DDX27: variants seen among roughly 807,000 people sequenced by gnomAD.
DDX27 encodes probable ATP-dependent RNA helicase DDX27.
A neutral mutation model predicts 99.3 loss-of-function variants in DDX27; 42 were observed. The ratio of observed to expected loss-of-function variants is 0.42; its 90% CI spans 0.33 to 0.55. DDX27 has a LOEUF of 0.55. Ranked by LOEUF, DDX27 falls within the 20% of genes least tolerant of loss-of-function variation. The pLI is 0.07. For synonymous variants in DDX27, 329 were observed against 353.8 expected, an observed-to-expected ratio of 0.93 and a Z score of 0.79; for missense variants, 798 against 976.8, an observed-to-expected ratio of 0.82 and a Z score of 2.44.
intron 2 of DDX27, among the ~76,000 whole-genome samples, chr20:49,221,843 G>A (rs905907411): frequency 1.3e-5 from 2 of 148,778 alleles, no homozygotes; most frequent in Admixed American, 6.7e-5. Context: ...CTGCTTGCTG[G>A]GGAGACTCCT....
Position 49,234,967 on chromosome 20 carries a change from A to G in DDX27, c.1306A>G (p.Met436Val). 1 of 1,612,448 alleles carries G rather than the reference A, an allele frequency of 6.2e-7. No homozygotes were observed. Among genetic ancestry groups the G allele is most frequent in the Non-Finnish European group, 8.5e-7 (1 of 1,179,172 alleles). The change falls in exon 12 of 21, where the codon ATG (methionine) becomes GTG (valine). Residue 436 changes from methionine to valine, a missense_variant. By Grantham distance (21) the Met-to-Val change is conservative. Around this residue, in one of 2 missense-constraint regions of DDX27, gnomAD observed 553 missense variants for 727.9 expected, o/e 0.76. Transcript: ENST00000618172. ...LLTRTFTDHVMLFTQTKKQAH... is the reference protein window; with the variant it reads ...LLTRTFTDHVVLFTQTKKQAH... ...GACGAGGACCTTCACTGACCATGTGATGCTGTTCACGCAAACCAAGAAGCA... is the reference window on the plus strand; with the variant it reads ...GACGAGGACCTTCACTGACCATGTGGTGCTGTTCACGCAAACCAAGAAGCA...
rs1979762469 is a variant in DDX27, at chr20:49,223,370, T to G, written c.403T>G (p.Ser135Ala). Reference sequence around the variant, plus strand: ...CCTTCAAGAGAATGATGAGGAAGGCTCAGAAGATGAAGCCTCGGAGACTGA... The same window carrying G: ...CCTTCAAGAGAATGATGAGGAAGGCGCAGAAGATGAAGCCTCGGAGACTGA... ...EDLQENDEEGSEDEASETDYS... is the reference protein window; with the variant it reads ...EDLQENDEEGAEDEASETDYS... The change falls in exon 4 of 21, where the codon TCA (serine) becomes GCA (alanine). Residue 135 changes from serine to alanine, a missense_variant. Around this residue, in one of 2 missense-constraint regions of DDX27, gnomAD observed 245 missense variants for 248.8 expected, o/e 0.98. Transcript: ENST00000618172. 1 of 1,613,840 alleles carries G rather than the reference T, an allele frequency of 6.2e-7. No homozygotes were observed. Among genetic ancestry groups the G allele is most frequent in the South Asian group, 1.1e-5 (1 of 91,070 alleles).
intron 14 of DDX27, chr20:49,238,127 T>G (rs962266076): frequency 1.3e-5 from 2 of 152,254 alleles, no homozygotes; most frequent in Non-Finnish European, 2.9e-5. Context: ...CAAGTGATCC[T>G]CCTGCCTCAG....
rs1309603367 is a variant in DDX27 at position 49,239,278 on chromosome 20, G to A, written c.1837G>A (p.Val613Met). 1.9e-6 allele frequency: 3 copies of A among 1,614,134 alleles called. No individual in the cohort carries two copies. Among genetic ancestry groups the A allele is most frequent in the South Asian group, 2.2e-5 (2 of 91,074 alleles). Reference protein sequence around the residue: ...KRLLEKGKEAVVQEPERSWFQ... With the variant: ...KRLLEKGKEAMVQEPERSWFQ... ...GCTCCTGGAGAAGGGGAAGGAGGCA[G>A]TGGTCCAAGAGCCCGAGAGGAGCTG... Residue 613 changes from valine (V) to methionine (M), a missense_variant, in exon 16 of 21, where the codon GTG (valine) becomes ATG (methionine). Physicochemically the swap from Val to Met is conservative, Grantham distance 21. Around this residue, in one of 2 missense-constraint regions of DDX27, gnomAD observed 553 missense variants for 727.9 expected, o/e 0.76. Transcript: ENST00000618172.
At chr20:49,234,711 C>T in intron 11 of DDX27, 2 of 456,996 alleles carry the variant, frequency 4.4e-6, no homozygotes, top group Non-Finnish European at 3.8e-6. Flanking sequence ...AGAGGCCAGC[C>T]CTTAGCTGCT....
At chr20:49,240,530 C>A (rs6067027) in intron 16 of DDX27, among the ~76,000 whole-genome samples, 67,493 of 151,912 alleles carry the variant, frequency 0.44, 16,424 homozygotes, top group Middle Eastern at 0.6. Context: ...TGGGTTCACC[C>A]CATTCTCCTG....
At chr20:49,224,741 A>G (rs1280402027) in intron 4 of DDX27, 3 of 600,550 alleles carry the variant, frequency 5.0e-6, no homozygotes, top group African/African-American at 1.9e-5. Context: ...TCTCTGGACC[A>G]GAGTCACTGG....
Position 49,221,546 on chromosome 20 carries a change from C to T in DDX27, c.188C>T (p.Thr63Met), listed in dbSNP as rs780544787. 3.6e-5 allele frequency: 58 copies of T among 1,613,050 alleles called. 2 individuals carry two copies. In the East Asian group the frequency reaches 5.6e-4, roughly 15 times the overall value. Residue 63 changes from threonine to methionine, a missense_variant, in exon 2 of 21, where the codon ACG becomes ATG. By Grantham distance (81) the Thr-to-Met change is moderately conservative. Transcript: ENST00000618172. Reference protein sequence around the residue: ...PDFVFTEKEGTYDGSWALADV... With the variant: ...PDFVFTEKEGMYDGSWALADV... ...TTCGTTTTCACTGAGAAGGAGGGGA[C>T]GTACGATGGCAGCTGGGCCCTGGCT...
chr20:49,242,257 C>A, intron 18 of DDX27, 51 bp downstream of exon 18: 1 of 1,602,280 alleles, frequency 6.2e-7, no homozygotes. Flanking sequence ...TCCCTGAAAC[C>A]TGTGCTTTGG....
In DDX27 at chr20:49,225,800, TCTC is replaced by T. The variant is rs530299736; in HGVS notation, c.600+602_600+604del. ...AGTTCCATCGTGTCCCTCCTCTTCTTCTCTGAGTCCTTCAGTACTTCCCAGTCT... is the reference window on the plus strand; with the variant it reads ...AGTTCCATCGTGTCCCTCCTCTTCTTTGAGTCCTTCAGTACTTCCCAGTCT... On this transcript the variant is annotated intron_variant, in intron 6 of 20. Coordinates refer to ENST00000618172, the MANE Select transcript of DDX27 (RefSeq NM_017895.8). 2.3e-4 allele frequency among the ~76,000 whole-genome samples: 35 copies of T among 152,188 alleles called. No homozygotes were observed. The East Asian group carries it at 6.6e-3, about 29-fold the overall frequency.
rs1268949523 is a variant in DDX27 at position 49,228,869 on chromosome 20, C to T, written c.861C>T (p.Ile287=). The change falls in exon 8 of 21, where the codon ATC becomes ATT. Residue 287 remains isoleucine (I), a synonymous_variant. Coordinates refer to ENST00000618172, the MANE Select transcript of DDX27 (RefSeq NM_017895.8). ...VTRQLAQFCN[I]TTCLAVGGLD... is the part of the protein sequence containing the mutation. ...GACAGCTGGCCCAGTTCTGCAACAT[C>T]ACCACCTGCCTGGCTGTGGGTGAGT... 1.3e-6 allele frequency: 2 copies of T among 1,597,950 alleles called. No homozygotes were observed. The highest frequency in any genetic ancestry group is 4.5e-5 in the East Asian group (2 of 44,178).
At chr20:49,237,484 T>A (rs899204249) in intron 14 of DDX27, among the ~76,000 whole-genome samples, 4 of 152,234 alleles carry the variant, frequency 2.6e-5, no homozygotes, top group African/African-American at 9.6e-5. Context: ...TTTTTTTCAT[T>A]TTCATTGTCT....
At position 49,226,536 on chromosome 20, in the gene DDX27, G is replaced by A; in HGVS notation, c.706+1G>A. The A allele has an allele frequency of 6.2e-7, 1 of 1,613,260 alleles. No homozygotes were observed. The highest frequency in any genetic ancestry group is 8.5e-7 in the Non-Finnish European group (1 of 1,179,356). The stretch of plus-strand genomic sequence containing the variant: ...TGTGCCTGTGCAGCCACTGGGACAG[G>A]TGAAAAGGATAGGGACCCAGGGTGG... On this transcript the variant is annotated splice_donor_variant, in intron 7 of 20. Coordinates refer to ENST00000618172, the MANE Select transcript of DDX27 (RefSeq NM_017895.8). LOFTEE classifies it high-confidence loss of function.
At chr20:49,221,694 T>G in intron 2 of DDX27, 96 bp downstream of exon 2, 1 of 1,107,690 alleles carries the variant, frequency 9.0e-7, no homozygotes, top group Non-Finnish European at 1.3e-6. Flanking sequence ...ACCATCTGTT[T>G]ACATTCAGCA....
chr20:49,243,691 A>C lies in DDX27; in HGVS notation c.2267A>C (p.Lys756Thr). 6.2e-7 allele frequency: 1 copy of C among 1,614,178 alleles called. No homozygotes were observed. The highest frequency in any genetic ancestry group is 8.5e-7 in the Non-Finnish European group (1 of 1,180,018). Residue 756 changes from lysine to threonine, a missense_variant, in exon 20 of 21, where the codon AAA (lysine) becomes ACA (threonine). Lys to Thr is a moderately conservative substitution (Grantham distance 78, BLOSUM62 -1). Transcript: ENST00000618172. The stretch of plus-strand genomic sequence containing the variant: ...CACCAGAGACGAGGAGGAAACTTTA[A>C]ATCTAAATCCAGGTGATACTGGCTG... ...LPHQRRGGNF[K>T]SKSRYKRRK is the part of the protein sequence containing the mutation.
chr20:49,227,246 G>A (rs1979931944), intron 7 of DDX27, among the ~76,000 whole-genome samples: 1 of 152,162 alleles, frequency 6.6e-6, no homozygotes, highest in Non-Finnish European at 1.5e-5. Flanking sequence ...AGTGCATAGG[G>A]TCTCTCGAAT....
At chr20:49,229,516 G>A (rs188886655) in intron 8 of DDX27, among the ~76,000 whole-genome samples, 32 of 152,250 alleles carry the variant, frequency 2.1e-4, no homozygotes, top group African/African-American at 7.5e-4. Context: ...GAAGTTATAT[G>A]ATAGTGTTAT....
rs1169246657 is a variant in DDX27 at position 49,239,050 on chromosome 20, G to A, written c.1789G>A (p.Ala597Thr). Residue 597 changes from alanine to threonine, a missense_variant, in exon 15 of 21, where the codon GCC becomes ACC. Physicochemically the swap from Ala to Thr is moderately conservative, Grantham distance 58. Coordinates refer to ENST00000618172, the MANE Select transcript of DDX27 (RefSeq NM_017895.8). The part of the protein sequence containing the change: ...AEEKEMQQSE[A>T]QINTAKRLLE... ...GGAAAAAGAGATGCAGCAGTCAGAA[G>A]CCCAGGTGAGGCTGCGAGGCGGGAT... 1 of 1,613,314 alleles carries A rather than the reference G, an allele frequency of 6.2e-7. No individual in the cohort carries two copies. Among genetic ancestry groups the A allele is most frequent in the Non-Finnish European group, 8.5e-7 (1 of 1,179,386 alleles).
intron 16 of DDX27, 148 bp downstream of exon 16, chr20:49,239,486 T>C (rs140900129): frequency 2.5e-5 from 16 of 647,034 alleles, no homozygotes; most frequent in Admixed American, 1.5e-4. Context: ...GTTTCCACAT[T>C]TGGGGTGTGG....
Sources: allele counts gnomAD v4.1 joint callset (sites outside exome capture counted in the v4.1 genomes callset), GRCh38; gene constraint gnomAD v4.1.1; regional missense constraint gnomAD v4.1.1; transcripts MANE v1.5; gene names NCBI Gene and HGNC (gene_info 2026-07-23, HGNC 2026-07-21).